TNFRSF8: variants seen among roughly 807,000 people sequenced by gnomAD.
TNFRSF8 encodes the protein TNF receptor superfamily member 8, also known as tumor necrosis factor receptor superfamily member 8.
Under a neutral mutation model 70.8 loss-of-function variants are expected in TNFRSF8, and 26 were observed. The observed-to-expected ratio is 0.37, with a 90% CI of 0.27 to 0.51. The LOEUF (loss-of-function observed/expected upper bound fraction) is 0.51. TNFRSF8 is among the 20% of genes least tolerant of loss of function. The pLI, the probability that TNFRSF8 is intolerant of heterozygous loss-of-function variation, is 0.94. For synonymous variants in TNFRSF8, 356 were observed against 339.2 expected, an observed-to-expected ratio of 1.05 and a Z score of -0.54; for missense variants, 720 against 807.9, an observed-to-expected ratio of 0.89 and a Z score of 1.32.
intron 1 of TNFRSF8, among the ~76,000 whole-genome samples, chr1:12,067,917 G>A (rs1640771256): frequency 6.8e-6 from 1 of 146,124 alleles, no homozygotes; most frequent in Non-Finnish European, 1.5e-5. Flanking sequence ...GGGGGGACCT[G>A]GAGAGGAGGG....
rs551044812 is a variant in TNFRSF8 at position 12,108,330 on chromosome 1, G to T, written c.422-1236G>T. Among the ~76,000 whole-genome samples, 1 of 151,540 alleles carries T rather than the reference G, an allele frequency of 6.6e-6. No individual in the cohort carries two copies. Among genetic ancestry groups the T allele is most frequent in the Non-Finnish European group, 1.5e-5 (1 of 67,902 alleles). On this transcript the variant is annotated intron_variant, in intron 4 of 14. Transcript: ENST00000263932. This position sits in a 1 kb window ranked among gnomAD's most constrained non-coding sequence, Gnocchi z 4.0. The stretch of plus-strand genomic sequence containing the variant: ...CCTGACCTCATGATCCGCCCACCTC[G>T]GCCTCCCAAAGTGTTGGGATTACAG...
At chr1:12,080,394 T>G (rs1027672357) in intron 1 of TNFRSF8, 5 of 525,980 alleles carry the variant, frequency 9.5e-6, no homozygotes, top group South Asian at 6.9e-5. Flanking sequence ...GCCTGTTTGC[T>G]CTGGTACTTG....
At chr1:12,095,553 G>A (rs1358813568) in intron 2 of TNFRSF8, among the ~76,000 whole-genome samples, 2 of 152,218 alleles carry the variant, frequency 1.3e-5, no homozygotes, top group African/African-American at 4.8e-5. Flanking sequence ...CTCCCAAAGT[G>A]TTGGGGTTAC....
chr1:12,125,882 C>T (rs770909036), intron 10 of TNFRSF8, 69 bp from the exon 11 acceptor site: 14 of 1,239,902 alleles, frequency 1.1e-5, no homozygotes, highest in East Asian at 2.3e-5. Context: ...AGGAGGAAGT[C>T]GTCTGGGGCT....
chr1:12,080,818 C>G (rs896822658), intron 1 of TNFRSF8, among the ~76,000 whole-genome samples: 14 of 152,306 alleles, frequency 9.2e-5, no homozygotes, highest in Admixed American at 7.8e-4. Context: ...TCTCATTCTC[C>G]CAAAGTGCTG....
chr1:12,117,946 G>T (rs1015823863), intron 8 of TNFRSF8, among the ~76,000 whole-genome samples: 1 of 152,062 alleles, frequency 6.6e-6, no homozygotes, highest in Non-Finnish European at 1.5e-5. Context: ...AGAACAGGCA[G>T]TATTTGTCTT....
intron 1 of TNFRSF8, among the ~76,000 whole-genome samples, chr1:12,070,414 C>A (rs953287926): frequency 6.6e-6 from 1 of 152,100 alleles, no homozygotes; most frequent in Non-Finnish European, 1.5e-5. Context: ...CCACGCCTGG[C>A]TAATTTTGTT....
chr1:12,133,765 AC>A (rs1353942743), intron 12 of TNFRSF8, among the ~76,000 whole-genome samples: 1 of 109,674 alleles, frequency 9.1e-6, no homozygotes, highest in Non-Finnish European at 1.9e-5. Context: ...AAAAAAAATT[AC>A]CCCTGGCCGG....
intron 1 of TNFRSF8, among the ~76,000 whole-genome samples, chr1:12,065,192 C>T (rs1413464816): frequency 7.0e-6 from 1 of 141,980 alleles, no homozygotes; most frequent in Non-Finnish European, 1.5e-5. Flanking sequence ...AAGTGATTCT[C>T]CTGCCTCAGC....
rs568085270 is a variant in TNFRSF8 at position 12,063,781 on chromosome 1, G to A, written c.63+120G>A. 1.9e-5 allele frequency: 19 copies of A among 978,822 alleles called. No individual in the cohort carries two copies. The African/African-American group carries it at 3.0e-4, about 16-fold the overall frequency. 60.6% of individuals were successfully genotyped at this position (978,822 alleles called of 1,614,324 possible). A position where few individuals can be genotyped will look rare whatever the true frequency, so the allele number is the denominator to read the frequency against. On this transcript the variant is annotated intron_variant, in intron 1 of 14. Transcript: ENST00000263932. The surrounding 1 kb of genome is among the most constrained non-coding windows in gnomAD (Gnocchi z 7.2). The stretch of plus-strand genomic sequence containing the variant: ...GTTCCCTGCCCAGCTGGAGTGAGGG[G>A]GCGCGGGTGACAAGCAGGAACACCG...
chr1:12,142,291 A>G lies in TNFRSF8; in HGVS notation c.1548A>G (p.Lys516=). 1 of 1,590,992 alleles carries G rather than the reference A, an allele frequency of 6.3e-7. No individual in the cohort carries two copies. Among genetic ancestry groups the G allele is most frequent in the South Asian group, 1.1e-5 (1 of 88,460 alleles). ...ACCCATCCTTTTGCCTTGCAGAGAAAATCTACATCATGAAGGCTGACACCG... is the reference window on the plus strand; with the variant it reads ...ACCCATCCTTTTGCCTTGCAGAGAAGATCTACATCATGAAGGCTGACACCG... The part of the protein sequence containing the change: ...STEHTNNKIE[K]IYIMKADTVI... Residue 516 remains lysine (K), a synonymous_variant, in exon 15 of 15, where the codon AAA becomes AAG. Transcript: ENST00000263932. This position sits in a 1 kb window ranked among gnomAD's most constrained non-coding sequence, Gnocchi z 5.0.
chr1:12,135,140 C>A (rs995844849), intron 12 of TNFRSF8, among the ~76,000 whole-genome samples: 1 of 151,770 alleles, frequency 6.6e-6, no homozygotes, highest in Non-Finnish European at 1.5e-5. Context: ...GTGGTGAAAC[C>A]CCGTCTCTAC....
chr1:12,079,379 T>A (rs898496402), intron 1 of TNFRSF8, among the ~76,000 whole-genome samples: 4 of 151,744 alleles, frequency 2.6e-5, no homozygotes, highest in Non-Finnish European at 5.9e-5. Context: ...AAGCCCCCCC[T>A]CCAGTCCTTG....
rs11569887 is a variant in TNFRSF8, at chr1:12,112,091, C to T, written c.793+77C>T. On this transcript the variant is annotated intron_variant, in intron 7 of 14. Coordinates refer to ENST00000263932, the MANE Select transcript of TNFRSF8 (RefSeq NM_001243.5). The surrounding 1 kb of genome is among the most constrained non-coding windows in gnomAD (Gnocchi z 5.3). The stretch of plus-strand genomic sequence containing the variant: ...ACCGTGAACTTCCAGTAACTACTCC[C>T]CCTTATGTTTGTGGGTTTTTGATGG... The T allele has an allele frequency of 1.5e-3, 1,563 of 1,066,016 alleles. 11 individuals are homozygous for T. The African/African-American group carries it at 0.022, about 15-fold the overall frequency. The allele number at this position is 1,066,016 out of a possible 1,614,324, so 66.0% of individuals were successfully genotyped here.
chr1:12,078,047 G>C (rs1640997205), intron 1 of TNFRSF8: 1 of 152,298 alleles, frequency 6.6e-6, no homozygotes, highest in Non-Finnish European at 1.5e-5. Context: ...ATAGGATGGA[G>C]GGGAAGACAG....
intron 4 of TNFRSF8, among the ~76,000 whole-genome samples, chr1:12,106,662 G>A (rs1032636169): frequency 2.0e-5 from 3 of 152,060 alleles, no homozygotes; most frequent in Admixed American, 6.6e-5. Context: ...GTTCAAATCT[G>A]GTCAAATTCC....
intron 14 of TNFRSF8, among the ~76,000 whole-genome samples, chr1:12,140,924 A>G (rs528546100): frequency 6.6e-6 from 1 of 151,606 alleles, no homozygotes; most frequent in African/African-American, 2.4e-5. Flanking sequence ...CCAGCCCTCT[A>G]TAGGGCTCCT....
chr1:12,089,943 C>CATCT (rs1367598208), intron 2 of TNFRSF8, among the ~76,000 whole-genome samples: 2 of 151,266 alleles, frequency 1.3e-5, no homozygotes, highest in African/African-American at 4.9e-5. Flanking sequence ...TCCATCCATC[C>CATCT]ATCTACCCAT....
intron 3 of TNFRSF8, 37 bp downstream of exon 3, chr1:12,097,254 G>A: frequency 6.8e-7 from 1 of 1,480,406 alleles, no homozygotes; most frequent in Non-Finnish European, 9.4e-7. Context: ...CCTCCTTCTA[G>A]GGAGCATGAG....
Sources: gnomAD v4.1 joint callset for allele counts (sites outside exome capture counted in the v4.1 genomes callset) on GRCh38, gnomAD v4.1.1 for gene constraint, Gnocchi (gnomAD v3.1) non-coding constraint, MANE v1.5 for transcripts, NCBI Gene and HGNC (gene_info 2026-07-23, HGNC 2026-07-21) for gene names.